The following KCTD16 variants were observed in gnomAD, a reference collection of about 807,000 sequenced individuals.
The protein encoded by KCTD16 is potassium channel tetramerization domain containing 16, also known as BTB/POZ domain-containing protein KCTD16.
Under a neutral mutation model 33.2 loss-of-function variants are expected in KCTD16, and 13 were observed. That is an observed-to-expected ratio of 0.39 (90% CI 0.25 to 0.62). The LOEUF (loss-of-function observed/expected upper bound fraction) is 0.62, where lower values mean the gene tolerates loss of function less well. KCTD16 is among the 20% of genes least tolerant of loss of function. KCTD16 has a pLI of 0.50. For synonymous variants in KCTD16, 197 were observed against 195.3 expected (o/e 1.01, Z -0.07); for missense variants, 441 against 525.1 (o/e 0.84, Z 1.57).
intron 3 of KCTD16, among the ~76,000 whole-genome samples, chr5:144,213,391 C>CTTTCTCTCTCTTTCTTTT: frequency 6.7e-6 from 1 of 149,690 alleles, no homozygotes; most frequent in Middle Eastern, 3.5e-3. Context: ...TTCTTTCTTT[C>CTTTCTCTCTCTTTCTTTT]TTTCTCTCTC....
At chr5:144,413,254 A>G (rs1752974098) in intron 3 of KCTD16, among the ~76,000 whole-genome samples, 1 of 152,210 alleles carries the variant, frequency 6.6e-6, no homozygotes, top group Non-Finnish European at 1.5e-5. Context: ...TCAGGCATGC[A>G]CAGAGGAAAC....
chr5:144,230,864 G>T (rs1046302736), intron 3 of KCTD16, among the ~76,000 whole-genome samples: 2 of 152,248 alleles, frequency 1.3e-5, no homozygotes, highest in Non-Finnish European at 2.9e-5. Flanking sequence ...TTGTCAGGCA[G>T]ACAACACAAG....
At chr5:144,286,320 G>A (rs891239309) in intron 3 of KCTD16, among the ~76,000 whole-genome samples, 20 of 152,150 alleles carry the variant, frequency 1.3e-4, no homozygotes, top group African/African-American at 2.2e-4. Flanking sequence ...CTCTGACAGA[G>A]GCATCACTGT....
At chr5:144,276,976 A>G (rs1755455010) in intron 3 of KCTD16, among the ~76,000 whole-genome samples, 1 of 152,182 alleles carries the variant, frequency 6.6e-6, no homozygotes, top group Non-Finnish European at 1.5e-5. Flanking sequence ...ATTATAACAT[A>G]ATGACAGTCA....
chr5:144,471,856 G>C (rs991133457), intron 3 of KCTD16, among the ~76,000 whole-genome samples: 3 of 152,128 alleles, frequency 2.0e-5, no homozygotes, highest in African/African-American at 7.2e-5. Context: ...TCACATTTTA[G>C]AAAATGACTT....
At chr5:144,219,512 C>CGT (rs1371094017) in intron 3 of KCTD16, among the ~76,000 whole-genome samples, 2 of 94,782 alleles carry the variant, frequency 2.1e-5, no homozygotes, top group Admixed American at 1.0e-4. Flanking sequence ...CTGTGCTGGG[C>CGT]CTTTTTTTTT....
At chr5:144,394,150 A>T (rs1345029718) in intron 3 of KCTD16, among the ~76,000 whole-genome samples, 1 of 151,676 alleles carries the variant, frequency 6.6e-6, no homozygotes, top group Admixed American at 6.6e-5. Context: ...TCACATTGGT[A>T]CTCATTACAG....
At chr5:144,389,327 C>A (rs1394696473) in intron 3 of KCTD16, among the ~76,000 whole-genome samples, 1 of 152,060 alleles carries the variant, frequency 6.6e-6, no homozygotes, top group Non-Finnish European at 1.5e-5. Flanking sequence ...TACAGCTGCT[C>A]CCCATCACTT....
chr5:144,417,982 A>G (rs770329330), intron 3 of KCTD16, among the ~76,000 whole-genome samples: 1 of 152,100 alleles, frequency 6.6e-6, no homozygotes, highest in African/African-American at 2.4e-5. Flanking sequence ...GATGTTCAGA[A>G]GTGTCCAGAG....
At chr5:144,359,669 A>C (rs919416475) in intron 3 of KCTD16, among the ~76,000 whole-genome samples, 5 of 151,124 alleles carry the variant, frequency 3.3e-5, no homozygotes, top group African/African-American at 9.7e-5. Context: ...GGGTGCTATT[A>C]GCATCTAGTA....
chr5:144,418,484 T>G (rs1201289070), intron 3 of KCTD16, among the ~76,000 whole-genome samples: 1 of 152,134 alleles, frequency 6.6e-6, no homozygotes, highest in African/African-American at 2.4e-5. Flanking sequence ...GAGAGCTGAT[T>G]GGTGCATTTA....
At chr5:144,178,580 T>C (rs1026114677) in intron 2 of KCTD16, among the ~76,000 whole-genome samples, 4 of 152,218 alleles carry the variant, frequency 2.6e-5, no homozygotes, top group African/African-American at 9.6e-5. Context: ...TCTGCAGTCC[T>C]AATTTTATAC....
chr5:144,350,373 G>A (rs1386004899), intron 3 of KCTD16, among the ~76,000 whole-genome samples: 1 of 152,062 alleles, frequency 6.6e-6, no homozygotes, highest in Non-Finnish European at 1.5e-5. Flanking sequence ...CTTGTGAATG[G>A]CACAGTGAAG....
chr5:144,318,805 G>A (rs1453544361), intron 3 of KCTD16, among the ~76,000 whole-genome samples: 1 of 152,164 alleles, frequency 6.6e-6, no homozygotes, highest in Non-Finnish European at 1.5e-5. Context: ...TCCCCAAAAT[G>A]AGGTGCCCAC....
At chr5:144,440,718 T>A (rs1580967115) in intron 3 of KCTD16, among the ~76,000 whole-genome samples, 1 of 152,052 alleles carries the variant, frequency 6.6e-6, no homozygotes, top group East Asian at 1.9e-4. Flanking sequence ...TCTCTAATGA[T>A]GAATAATGTT....
chr5:144,421,983 T>A (rs1753222816), intron 3 of KCTD16, among the ~76,000 whole-genome samples: 1 of 152,168 alleles, frequency 6.6e-6, no homozygotes, highest in Non-Finnish European at 1.5e-5. Context: ...TTTGTCTACA[T>A]GTGCAGTAGA....
intron 3 of KCTD16, among the ~76,000 whole-genome samples, chr5:144,472,892 A>C (rs377293224): frequency 3.3e-5 from 5 of 152,348 alleles, no homozygotes; most frequent in African/African-American, 1.2e-4. Flanking sequence ...TAACAAGGAT[A>C]CTGAATAAAA....
intron 3 of KCTD16, among the ~76,000 whole-genome samples, chr5:144,321,779 A>G (rs1433703798): frequency 1.3e-5 from 2 of 152,174 alleles, no homozygotes; most frequent in East Asian, 1.9e-4. Context: ...AATTTGTTTC[A>G]CCAGTGGTGA....
chr5:144,237,792 G>T (rs1292760139), intron 3 of KCTD16, among the ~76,000 whole-genome samples: 1 of 152,104 alleles, frequency 6.6e-6, no homozygotes, highest in African/African-American at 2.4e-5. Flanking sequence ...TCCCACAGCA[G>T]AACTTAGCAC....
Sources: gnomAD v4.1 joint callset for allele counts (sites outside exome capture counted in the v4.1 genomes callset) on GRCh38, gnomAD v4.1.1 for gene constraint, MANE v1.5 for transcripts, NCBI Gene and HGNC (gene_info 2026-07-23, HGNC 2026-07-21) for gene names.